KIAA1549: variants seen among roughly 807,000 people sequenced by gnomAD.
The protein encoded by KIAA1549 is UPF0606 protein KIAA1549.
In KIAA1549, 70 loss-of-function variants were observed where a neutral mutation model predicts 156.4. That is an observed-to-expected ratio of 0.45 (90% confidence interval 0.37 to 0.55). The LOEUF is 0.55. KIAA1549 is among the 20% of genes least tolerant of loss of function. The pLI is 0.00. For synonymous variants in KIAA1549, 1,103 were observed against 1,066.4 expected (o/e 1.03, Z -0.67); for missense variants, 2,428 against 2,540.9 (o/e 0.96, Z 0.96).
chr7:138,839,780 T>A (rs1324470496), intron 19 of KIAA1549, among the ~76,000 whole-genome samples: 1 of 112,048 alleles, frequency 8.9e-6, no homozygotes, highest in African/African-American at 3.8e-5. Context: ...GATTATGTCT[T>A]TTTTTTTTTT....
At chr7:138,879,734 G>C in intron 11 of KIAA1549, 81 bp from the exon 12 acceptor site, 1 of 931,008 alleles carries the variant, frequency 1.1e-6, no homozygotes, top group Non-Finnish European at 1.6e-6. Flanking sequence ...GTGTGTGGAA[G>C]TCAGGCTTCC....
At chr7:138,942,241 G>C (rs2354339) in intron 1 of KIAA1549, among the ~76,000 whole-genome samples, 40,287 of 151,958 alleles carry the variant, frequency 0.27, 6,664 homozygotes, top group African/African-American at 0.47. Context: ...TCATTCTTGA[G>C]CAGCTCTGTA....
intron 1 of KIAA1549, among the ~76,000 whole-genome samples, chr7:138,972,428 C>T (rs1213368983): frequency 6.7e-6 from 1 of 149,854 alleles, no homozygotes; most frequent in Admixed American, 6.7e-5. Context: ...CCTCCCAGTC[C>T]CTTTCCCACT....
At chr7:138,942,461 T>C (rs552929026) in intron 1 of KIAA1549, among the ~76,000 whole-genome samples, 1 of 151,604 alleles carries the variant, frequency 6.6e-6, no homozygotes, top group Non-Finnish European at 1.5e-5. Flanking sequence ...CTCTGCACCA[T>C]GACCGCATGG....
chr7:138,918,392 C>T lies in KIAA1549; in HGVS notation c.1234G>A (p.Val412Met). 6.2e-7 allele frequency: 1 copy of T among 1,613,934 alleles called. No homozygotes were observed. Among genetic ancestry groups the T allele is most frequent in the Non-Finnish European group, 8.5e-7 (1 of 1,179,882 alleles). The change falls in exon 2 of 20, where the codon GTG (valine) becomes ATG (methionine). Residue 412 changes from valine (V) to methionine (M), a missense_variant. Around this residue, in one of 5 missense-constraint regions of KIAA1549, gnomAD observed 893 missense variants for 847.9 expected, o/e 1.05. Coordinates refer to ENST00000422774, the MANE Select transcript of KIAA1549 (RefSeq NM_001164665.2). This position sits in a 1 kb window ranked among gnomAD's most constrained non-coding sequence, Gnocchi z 4.2. ...CAAGTGTATGGTCTGAATGAGGACA[C>T]CGGGCTCAGGATATGAGTGTTGTCC... ...PVDNTHILSPVSSFRPYTWCA... is the reference protein window; with the variant it reads ...PVDNTHILSPMSSFRPYTWCA...
chr7:138,912,910 T>C (rs1812210007), intron 2 of KIAA1549, among the ~76,000 whole-genome samples: 1 of 152,240 alleles, frequency 6.6e-6, no homozygotes, highest in East Asian at 1.9e-4. Flanking sequence ...AGACCCGCTC[T>C]GTCGCCCAGG....
At position 138,981,012 on chromosome 7, in the gene KIAA1549, G is replaced by A. The variant is rs1814528797; in HGVS notation, c.187+71C>T. On this transcript the variant is annotated intron_variant, in intron 1 of 19. Transcript: ENST00000422774. The surrounding 1 kb of genome is among the most constrained non-coding windows in gnomAD (Gnocchi z 4.5). ...AAAGAGGATGGGCGGGGAAAGCCGGGGTTTTGAAAACAGCAGCGATAAAGG... is the reference window on the plus strand; with the variant it reads ...AAAGAGGATGGGCGGGGAAAGCCGGAGTTTTGAAAACAGCAGCGATAAAGG... The A allele has an allele frequency of 4.2e-6, 5 of 1,183,742 alleles. No individual in the cohort carries two copies. Among genetic ancestry groups the A allele is most frequent in the Non-Finnish European group, 5.2e-6 (5 of 954,606 alleles). The allele number at this position is 1,183,742 out of a possible 1,614,324, so 73.3% of individuals were successfully genotyped here. A position where few individuals can be genotyped will look rare whatever the true frequency, so the allele number is the denominator to read the frequency against.
rs372369265 is a variant in KIAA1549 at position 138,911,258 on chromosome 7, T to C, written c.3033A>G (p.Ile1011Met). 1.2e-6 allele frequency: 2 copies of C among 1,604,390 alleles called. No individual in the cohort carries two copies. The highest frequency in any genetic ancestry group is 1.7e-6 in the Non-Finnish European group (2 of 1,174,952). The part of the protein sequence containing the change: ...VTSGPFVYTA[I>M]SVINVLINSK... Reference sequence around the variant, plus strand: ...TGTTTATAAGCACATTTATGACGGATATTGCCGTGTAAACGAAAGGACCGG... The same window carrying C: ...TGTTTATAAGCACATTTATGACGGACATTGCCGTGTAAACGAAAGGACCGG... The change falls in exon 4 of 20, where the codon ATA becomes ATG. Residue 1011 changes from isoleucine to methionine, a missense_variant. Around this residue, in one of 5 missense-constraint regions of KIAA1549, gnomAD observed 762 missense variants for 901.6 expected, o/e 0.85. Transcript: ENST00000422774.
intron 17 of KIAA1549, 123 bp from the exon 18 acceptor site, chr7:138,844,597 C>CCCCT: frequency 7.8e-6 from 7 of 896,626 alleles, no homozygotes; most frequent in Non-Finnish European, 9.3e-6. Flanking sequence ...GCCATCTCCT[C>CCCCT]TCCTGGAAGG....
intron 1 of KIAA1549, among the ~76,000 whole-genome samples, chr7:138,965,740 T>G (rs1443933379): frequency 6.6e-6 from 1 of 152,214 alleles, no homozygotes; most frequent in Non-Finnish European, 1.5e-5. Flanking sequence ...AAAGGAGAGA[T>G]ACTAAAATGT....
At chr7:138,868,183 C>T in intron 14 of KIAA1549, 55 bp from the exon 15 acceptor site, 1 of 1,548,386 alleles carries the variant, frequency 6.5e-7, no homozygotes, top group African/African-American at 1.4e-5. Context: ...TTGCCACTGA[C>T]TTACCAACTA....
chr7:138,949,737 G>A (rs1234433241), intron 1 of KIAA1549, among the ~76,000 whole-genome samples: 1 of 152,206 alleles, frequency 6.6e-6, no homozygotes, highest in Non-Finnish European at 1.5e-5. Context: ...TCACATGACT[G>A]CAGACCCCAG....
chr7:138,888,195 T>C (rs150822659), intron 10 of KIAA1549, among the ~76,000 whole-genome samples: 3 of 152,312 alleles, frequency 2.0e-5, no homozygotes, highest in East Asian at 3.9e-4. Flanking sequence ...GGGGACTCAG[T>C]TGGGGTCTTA....
chr7:138,937,250 T>C (rs1247779622), intron 1 of KIAA1549, among the ~76,000 whole-genome samples: 1 of 152,110 alleles, frequency 6.6e-6, no homozygotes, highest in African/African-American at 2.4e-5. Context: ...GAACCCTGCA[T>C]GTGCTTCTCT....
In KIAA1549 at chr7:138,918,659, T is replaced by C; in HGVS notation, c.967A>G (p.Thr323Ala). 1 of 1,613,804 alleles carries C rather than the reference T, an allele frequency of 6.2e-7. No homozygotes were observed. Residue 323 changes from threonine (T) to alanine (A), a missense_variant, in exon 2 of 20, where the codon ACT becomes GCT. Physicochemically the swap from Thr to Ala is moderately conservative, Grantham distance 58. Coordinates refer to ENST00000422774, the MANE Select transcript of KIAA1549 (RefSeq NM_001164665.2). The surrounding 1 kb of genome is among the most constrained non-coding windows in gnomAD (Gnocchi z 4.2). ...TGACTCAACACAGTGGTCACATCAG[T>C]GTATCTGTCTGCACTTGTGGCCCAA... ...EVWATSADRY[T>A]DVTTVLSQSL...
At position 138,861,239 on chromosome 7, in the gene KIAA1549, G is replaced by C. The variant is rs1403403392; in HGVS notation, c.5147C>G (p.Pro1716Arg). 4 of 1,612,224 alleles carry C rather than the reference G, an allele frequency of 2.5e-6. No homozygotes were observed. Among genetic ancestry groups the C allele is most frequent in the Admixed American group, 3.4e-5 (2 of 59,544 alleles). The change falls in exon 16 of 20, where the codon CCC (proline) becomes CGC (arginine). Residue 1716 changes from proline to arginine, a missense_variant. Around this residue, in one of 5 missense-constraint regions of KIAA1549, gnomAD observed 363 missense variants for 354.0 expected, o/e 1.03. Coordinates refer to ENST00000422774, the MANE Select transcript of KIAA1549 (RefSeq NM_001164665.2). Reference protein sequence around the residue: ...STAGVGPGVPPGLPANSTPSQ... With the variant: ...STAGVGPGVPRGLPANSTPSQ... ...AGGGGTGCTGTTTGCGGGCAGGCCGGGTGGGACTCCGGGGCCTACACCTGC... is the reference window on the plus strand; with the variant it reads ...AGGGGTGCTGTTTGCGGGCAGGCCGCGTGGGACTCCGGGGCCTACACCTGC...
At chr7:138,878,688 A>G (rs7802725) in intron 12 of KIAA1549, among the ~76,000 whole-genome samples, 8,338 of 151,960 alleles carry the variant, frequency 0.055, 735 homozygotes, top group African/African-American at 0.19. Context: ...CCTGAGCCTG[A>G]GAGGTCGAGG....
rs1331596060 is a variant in KIAA1549, at chr7:138,917,669, T to C, written c.1957A>G (p.Ser653Gly). 1 of 1,612,208 alleles carries C rather than the reference T, an allele frequency of 6.2e-7. No homozygotes were observed. The highest frequency in any genetic ancestry group is 1.7e-5 in the Admixed American group (1 of 59,738). Residue 653 changes from serine (S) to glycine (G), a missense_variant, in exon 2 of 20, where the codon AGT becomes GGT. By Grantham distance (56) the Ser-to-Gly change is moderately conservative. This residue lies in a region of KIAA1549 where 893 missense variants were observed against 847.9 expected (regional missense o/e 1.05). Transcript: ENST00000422774. ...TGAGATGTGAAGGGGGACAAGTCAC[T>C]CGGCATCAGAGACAGAGACGCAGGT... ...EAPASLSLMP[S>G]DLSPFTSQSF...
intron 15 of KIAA1549, among the ~76,000 whole-genome samples, chr7:138,862,514 A>C (rs1256460620): frequency 6.6e-6 from 1 of 151,532 alleles, no homozygotes; most frequent in Admixed American, 6.6e-5. Flanking sequence ...AAAAAAAAAA[A>C]AAAGAAAAAG....
Sources: gnomAD v4.1 joint callset for allele counts (sites outside exome capture counted in the v4.1 genomes callset) on GRCh38, gnomAD v4.1.1 for gene constraint, gnomAD v4.1.1 regional missense constraint, Gnocchi (gnomAD v3.1) non-coding constraint, MANE v1.5 for transcripts, NCBI Gene and HGNC (gene_info 2026-07-23, HGNC 2026-07-21) for gene names.